Variants in RBFOX1 observed in about 807,000 individuals in gnomAD.
RBFOX1 encodes the protein RNA binding fox-1 homolog 1.
In RBFOX1, 8 loss-of-function variants were observed where a neutral mutation model predicts 57.7. That is an observed-to-expected ratio of 0.14 (90% CI 0.08 to 0.25). RBFOX1 has a LOEUF of 0.25. Among genes scored for constraint, RBFOX1 ranks in the 10% least tolerant of loss-of-function variants. The probability of loss-of-function intolerance (pLI) is 1.00; values close to 1 mark genes in which losing one functional copy is unlikely to be tolerated. For missense variants in RBFOX1, 611 were observed against 548.5 expected (o/e 1.11, Z -1.14); for synonymous variants, 326 against 222.4 (o/e 1.47, Z -4.15).
At chr16:7,678,827 T>C (rs1306280803) in intron 14 of RBFOX1, among the ~76,000 whole-genome samples, 1 of 152,216 alleles carries the variant, frequency 6.6e-6, no homozygotes, top group East Asian at 1.9e-4. Flanking sequence ...TATTCAGATT[T>C]CTCATTGGCA....
chr16:7,136,905 C>T (rs1337211819), intron 4 of RBFOX1, among the ~76,000 whole-genome samples: 1 of 152,192 alleles, frequency 6.6e-6, no homozygotes, highest in African/African-American at 2.4e-5. Flanking sequence ...AGGAAGGAGG[C>T]ATCTAGAAGT....
intron 4 of RBFOX1, among the ~76,000 whole-genome samples, chr16:7,241,335 C>G (rs1367787513): frequency 6.6e-6 from 1 of 152,124 alleles, no homozygotes; most frequent in Non-Finnish European, 1.5e-5. Context: ...AAGCAGGTCA[C>G]CTCCTGGCCC....
chr16:6,473,253 C>G (rs1276607220), intron 2 of RBFOX1, among the ~76,000 whole-genome samples: 1 of 152,142 alleles, frequency 6.6e-6, no homozygotes, highest in Non-Finnish European at 1.5e-5. Flanking sequence ...CCCTCCGAGG[C>G]TTTTTGTTGG....
intron 4 of RBFOX1, among the ~76,000 whole-genome samples, chr16:7,206,882 C>T (rs925972893): frequency 6.6e-6 from 1 of 152,070 alleles, no homozygotes; most frequent in African/African-American, 2.4e-5. Flanking sequence ...CTGGAGAAAC[C>T]GTCTTAACTT....
chr16:5,833,220 G>A (rs777009443), intron 3 of RBFOX1, among the ~76,000 whole-genome samples: 20 of 152,158 alleles, frequency 1.3e-4, no homozygotes, highest in East Asian at 9.6e-4. Context: ...CTGGCCAGGC[G>A]TGGTGGCTCA....
intron 1 of RBFOX1, among the ~76,000 whole-genome samples, chr16:5,440,873 T>C (rs552790522): frequency 3.5e-4 from 53 of 152,302 alleles, no homozygotes; most frequent in African/African-American, 1.2e-3. Context: ...TTTGAGGCTA[T>C]TGAGGTCCAA....
chr16:7,238,102 C>T (rs141621463), intron 4 of RBFOX1, among the ~76,000 whole-genome samples: 146 of 152,296 alleles, frequency 9.6e-4, no homozygotes, highest in Middle Eastern at 3.4e-3. Context: ...ACAAATATTG[C>T]ATGATTCCAC....
intron 1 of RBFOX1, among the ~76,000 whole-genome samples, chr16:6,095,493 G>T (rs527323814): frequency 6.6e-6 from 1 of 152,240 alleles, no homozygotes; most frequent in East Asian, 1.9e-4. Flanking sequence ...TTCTCTTTCA[G>T]TTTCTGGGTT....
At chr16:5,284,756 A>AT (rs1166998032) in intron 1 of RBFOX1, among the ~76,000 whole-genome samples, 1,074 of 61,034 alleles carry the variant, frequency 0.018, 46 homozygotes, top group Non-Finnish European at 0.022. Context: ...TTTGGCTTAG[A>AT]TTTTTTTTTT....
chr16:6,882,235 T>C (rs2063095380), intron 3 of RBFOX1, among the ~76,000 whole-genome samples: 1 of 152,060 alleles, frequency 6.6e-6, no homozygotes, highest in Non-Finnish European at 1.5e-5. Context: ...GTCTCCACCT[T>C]AGAGAGATGG....
Position 5,740,075 on chromosome 16 carries a change from G to A in RBFOX1, c.319-127228G>A, listed in dbSNP as rs543755387. 6.6e-5 allele frequency among the ~76,000 whole-genome samples: 10 copies of A among 152,236 alleles called. No individual in the cohort carries two copies. In the South Asian group the frequency reaches 1.2e-3, roughly 19 times the overall value. ...TTTCCACAGCAAACAGAAGCCCAAC[G>A]CTTGTTGGCAGTGGAGCCTCGTCCT... is the stretch of plus-strand genomic sequence containing the variant. On this transcript the variant is annotated intron_variant, in intron 3 of 19. Transcript: ENST00000641259.
chr16:6,859,119 A>ATG (rs1555536655), intron 3 of RBFOX1, among the ~76,000 whole-genome samples: 3 of 82,174 alleles, frequency 3.7e-5, no homozygotes, highest in East Asian at 3.5e-4. Context: ...GTGTATATAT[A>ATG]TATATATATA....
intron 1 of RBFOX1, among the ~76,000 whole-genome samples, chr16:5,431,595 G>A (rs1448447558): frequency 6.6e-6 from 1 of 152,012 alleles, no homozygotes; most frequent in South Asian, 2.1e-4. Context: ...GGCTGGTCTC[G>A]AACTCCTGAC....
intron 1 of RBFOX1, among the ~76,000 whole-genome samples, chr16:6,127,073 T>C (rs1178444576): frequency 2.0e-5 from 3 of 152,090 alleles, no homozygotes; most frequent in Admixed American, 2.0e-4. Context: ...CCCACATCCA[T>C]GGGAAGAACA....
chr16:6,845,949 G>A (rs191592443), intron 3 of RBFOX1, among the ~76,000 whole-genome samples: 7 of 152,272 alleles, frequency 4.6e-5, no homozygotes, highest in East Asian at 3.9e-4. Flanking sequence ...GACAGCAGAT[G>A]CTTCTTCCTT....
At chr16:6,256,345 G>C (rs2097667143) in intron 1 of RBFOX1, among the ~76,000 whole-genome samples, 1 of 146,138 alleles carries the variant, frequency 6.8e-6, no homozygotes, top group Non-Finnish European at 1.5e-5. Context: ...AAGAAAGGAT[G>C]GTCCAAGAAG....
At chr16:7,605,920 C>T (rs1449508712) in intron 9 of RBFOX1, among the ~76,000 whole-genome samples, 1 of 152,028 alleles carries the variant, frequency 6.6e-6, no homozygotes, top group Non-Finnish European at 1.5e-5. Flanking sequence ...CTCACTGCAA[C>T]CTCTGACTCC....
intron 14 of RBFOX1, among the ~76,000 whole-genome samples, chr16:7,681,940 G>C (rs751443221): frequency 3.2e-4 from 48 of 152,120 alleles, no homozygotes; most frequent in Non-Finnish European, 6.2e-4. Flanking sequence ...GAGATCTCAA[G>C]ATCTTATTCT....
At chr16:7,158,946 G>A (rs1473890900) in intron 4 of RBFOX1, among the ~76,000 whole-genome samples, 1 of 151,982 alleles carries the variant, frequency 6.6e-6, no homozygotes. Context: ...GTTTCATGTG[G>A]CCACCAACAC....
Sources: gnomAD v4.1 joint callset for allele counts (sites outside exome capture counted in the v4.1 genomes callset) on GRCh38, gnomAD v4.1.1 for gene constraint, MANE v1.5 for transcripts, NCBI Gene and HGNC (gene_info 2026-07-23, HGNC 2026-07-21) for gene names.